Variants in DNAJC8 observed in about 807,000 individuals in gnomAD.
DNAJC8 encodes the protein dnaJ homolog subfamily C member 8.
In DNAJC8, 24 loss-of-function variants were observed where a neutral mutation model predicts 43.2. The ratio of observed to expected loss-of-function variants is 0.56; its 90% CI spans 0.40 to 0.78. The LOEUF is 0.78. Among genes scored for constraint, DNAJC8 ranks in the 30% least tolerant of loss-of-function variants. DNAJC8 has a pLI of 0.00. For synonymous variants in DNAJC8, 83 were observed against 98.0 expected (o/e 0.85, Z 0.90); for missense variants, 207 against 299.4 (o/e 0.69, Z 2.28).
chr1:28,212,213 AT>A (rs1226478390), intron 3 of DNAJC8, among the ~76,000 whole-genome samples: 15 of 120,502 alleles, frequency 1.2e-4, no homozygotes, highest in Admixed American at 9.9e-4. Flanking sequence ...ATATATATAT[AT>A]AAATGAAATT....
At chr1:28,214,919 A>G in intron 3 of DNAJC8, 21 bp downstream of exon 3, 1 of 1,576,770 alleles carries the variant, frequency 6.3e-7, no homozygotes, top group East Asian at 2.3e-5. Flanking sequence ...AAAAAGTTCA[A>G]ACAGGGAAAT....
At chr1:28,216,330 C>T (rs1191414192) in intron 2 of DNAJC8, among the ~76,000 whole-genome samples, 2 of 152,212 alleles carry the variant, frequency 1.3e-5, no homozygotes, top group South Asian at 2.1e-4. Flanking sequence ...GATTTACAGA[C>T]GAGGGACTGT....
intron 2 of DNAJC8, among the ~76,000 whole-genome samples, chr1:28,224,531 G>C (rs549675761): frequency 6.6e-6 from 1 of 151,970 alleles, no homozygotes; most frequent in Non-Finnish European, 1.5e-5. Flanking sequence ...GCCTCCCAAA[G>C]TGTTGGAATT....
intron 3 of DNAJC8, among the ~76,000 whole-genome samples, chr1:28,211,006 C>CA (rs879559223): frequency 2.0e-5 from 3 of 151,150 alleles, no homozygotes; most frequent in African/African-American, 4.8e-5. Flanking sequence ...CCTGTCTCTA[C>CA]AAAAAAAAAA....
At chr1:28,211,060 G>GT (rs1646807229) in intron 3 of DNAJC8, among the ~76,000 whole-genome samples, 2 of 152,000 alleles carry the variant, frequency 1.3e-5, no homozygotes, top group Non-Finnish European at 2.9e-5. Context: ...TGTAGTCCAA[G>GT]CTATTTAGGA....
chr1:28,204,560 T>C (rs1242730193), intron 7 of DNAJC8, among the ~76,000 whole-genome samples: 1 of 152,086 alleles, frequency 6.6e-6, no homozygotes, highest in East Asian at 1.9e-4. Flanking sequence ...AGAGAAATCA[T>C]ATTTTAGAAC....
intron 5 of DNAJC8, 185 bp from the exon 6 acceptor site, chr1:28,208,598 C>T (rs955387284): frequency 5.3e-6 from 2 of 379,150 alleles, no homozygotes; most frequent in Non-Finnish European, 9.4e-6. Flanking sequence ...AAATTAGGAA[C>T]CACAAGTCCT....
At chr1:28,218,852 C>A (rs534373344) in intron 2 of DNAJC8, among the ~76,000 whole-genome samples, 1 of 152,230 alleles carries the variant, frequency 6.6e-6, no homozygotes, top group Admixed American at 6.5e-5. Flanking sequence ...GAAAGTCACT[C>A]AATAGGAAGA....
chr1:28,225,519 T>C (rs1353274136), intron 2 of DNAJC8, among the ~76,000 whole-genome samples: 1 of 150,940 alleles, frequency 6.6e-6, no homozygotes, highest in Non-Finnish European at 1.5e-5. Context: ...GGCAAATTCA[T>C]AGACAAAGTA....
In DNAJC8 at chr1:28,212,208, TATATATAA is replaced by T. The variant is rs1167420817; in HGVS notation, c.238-1579_238-1572del. On this transcript the variant is annotated intron_variant, in intron 3 of 8. Coordinates refer to ENST00000263697, the MANE Select transcript of DNAJC8 (RefSeq NM_014280.3). Reference sequence around the variant, plus strand: ...ATATATATATATATATATATATATATATATATAAATGAAATTAACTATTCAATATAGAT... The same window carrying T: ...ATATATATATATATATATATATATATATGAAATTAACTATTCAATATAGAT... 1.4e-3 allele frequency among the ~76,000 whole-genome samples: 155 copies of T among 107,880 alleles called. 1 individual carries two copies. The highest frequency in any genetic ancestry group is 5.0e-3 in the African/African-American group (144 of 28,944). The allele number at this position is 107,880 out of a possible 152,430, so 70.8% of individuals were successfully genotyped here. A position where few individuals can be genotyped will look rare whatever the true frequency, so the allele number is the denominator to read the frequency against.
rs557760912 is a variant in DNAJC8 at position 28,224,952 on chromosome 1, C to T, written c.180+3970G>A. On this transcript the variant is annotated intron_variant, in intron 2 of 8. Coordinates refer to ENST00000263697, the MANE Select transcript of DNAJC8 (RefSeq NM_014280.3). ...CCTTGAATCCCAGTATTTTGAAAAT[C>T]TGAGGTAGGAGGATCAATTGAGCCC... Among the ~76,000 whole-genome samples the T allele has an allele frequency of 5.4e-5, 8 of 149,320 alleles. 1 individual carries two copies. The highest frequency in any genetic ancestry group is 7.1e-3 in the Middle Eastern group (2 of 282).
chr1:28,224,861 G>GTGA (rs1250868065), intron 2 of DNAJC8, among the ~76,000 whole-genome samples: 3 of 151,558 alleles, frequency 2.0e-5, no homozygotes, highest in Non-Finnish European at 3.0e-5. Context: ...TCCAGTCTGG[G>GTGA]CAGTGGAGTG....
intron 2 of DNAJC8, among the ~76,000 whole-genome samples, chr1:28,224,925 C>T (rs1646923722): frequency 6.7e-6 from 1 of 148,772 alleles, no homozygotes; most frequent in African/African-American, 2.5e-5. Flanking sequence ...CAGTGGCTCA[C>T]ACCTTGAATC....
intron 6 of DNAJC8, among the ~76,000 whole-genome samples, chr1:28,207,524 A>G (rs1646778058): frequency 6.6e-6 from 1 of 150,904 alleles, no homozygotes; most frequent in South Asian, 2.1e-4. Context: ...GCTCACTGCA[A>G]TCTCTGCCTC....
At chr1:28,205,421 AC>A in intron 6 of DNAJC8, 72 bp from the exon 7 acceptor site, 2 of 1,153,342 alleles carry the variant, frequency 1.7e-6, no homozygotes, top group South Asian at 2.6e-5. Flanking sequence ...ATGTACTTTC[AC>A]CTGGAGTCCA....
chr1:28,215,010 A>G lies in DNAJC8; in HGVS notation c.181-14T>C, dbSNP rs755176947. ...TATCTGAAGAACCTGGAAGTATCAA[A>G]ATCAAAACCATAAAAAAGGTGAAAA... On this transcript the variant is annotated splice_polypyrimidine_tract_variant and intron_variant, in intron 2 of 8. Transcript: ENST00000263697. The G allele has an allele frequency of 9.4e-6, 15 of 1,594,500 alleles. No individual in the cohort carries two copies. The highest frequency in any genetic ancestry group is 1.3e-5 in the Non-Finnish European group (15 of 1,171,858).
In DNAJC8 at chr1:28,200,758, T is replaced by C. The variant is rs531687079; in HGVS notation, c.*490A>G. ...GGGCATCAGATGCTGCTCTGTGTGCTCACAAGTGTTCCCTGTCTTATCTGG... is the reference window on the plus strand; with the variant it reads ...GGGCATCAGATGCTGCTCTGTGTGCCCACAAGTGTTCCCTGTCTTATCTGG... On this transcript the variant is annotated 3_prime_UTR_variant, in exon 9 of 9. Coordinates refer to ENST00000263697, the MANE Select transcript of DNAJC8 (RefSeq NM_014280.3). The C allele has an allele frequency of 2.3e-6, 1 of 439,362 alleles. No individual in the cohort carries two copies. The highest frequency in any genetic ancestry group is 7.0e-5 in the East Asian group (1 of 14,306). 27.2% of individuals were successfully genotyped at this position (439,362 alleles called of 1,614,324 possible).
rs1319836994 is a variant in DNAJC8 at position 28,227,092 on chromosome 1, T to TTC, written c.180+1828_180+1829dup. 2.8e-4 allele frequency among the ~76,000 whole-genome samples: 40 copies of TTC among 141,496 alleles called. No individual in the cohort carries two copies. The East Asian group carries it at 3.0e-3, about 11-fold the overall frequency. 92.8% of individuals were successfully genotyped at this position (141,496 alleles called of 152,430 possible). A position where few individuals can be genotyped will look rare whatever the true frequency, so the allele number is the denominator to read the frequency against. ...AGCATTGCAAAAAAAAAAAAAGAAT[T>TTC]TCTCTCTCTCTCTTTTTTTTTTTTT... is the stretch of plus-strand genomic sequence containing the variant. On this transcript the variant is annotated intron_variant, in intron 2 of 8. Coordinates refer to ENST00000263697, the MANE Select transcript of DNAJC8 (RefSeq NM_014280.3).
intron 1 of DNAJC8, among the ~76,000 whole-genome samples, chr1:28,229,451 A>G (rs1339330537): frequency 6.6e-6 from 1 of 150,660 alleles, no homozygotes; most frequent in Non-Finnish European, 1.5e-5. Flanking sequence ...GTGTGTGATT[A>G]TACTTCATTT....
Sources: allele counts gnomAD v4.1 joint callset (sites outside exome capture counted in the v4.1 genomes callset), GRCh38; gene constraint gnomAD v4.1.1; transcripts MANE v1.5; gene names NCBI Gene and HGNC (gene_info 2026-07-23, HGNC 2026-07-21).